PHKA2: variants seen among roughly 807,000 people sequenced by gnomAD.
PHKA2 encodes the protein phosphorylase b kinase regulatory subunit alpha, liver isoform.
In PHKA2, 31 loss-of-function variants were observed where a neutral mutation model predicts 102.0. That is an observed-to-expected ratio of 0.30 (90% CI 0.23 to 0.41). The LOEUF is 0.41. Ranked by LOEUF, PHKA2 falls within the 10% of genes least tolerant of loss-of-function variation. The pLI, the probability that PHKA2 is intolerant of heterozygous loss-of-function variation, is 1.00. For synonymous variants in PHKA2, 455 were observed against 416.2 expected (o/e 1.09, Z -1.13); for missense variants, 858 against 1,023.1 (o/e 0.84, Z 2.20).
chrX:18,911,174 T>G (rs1457992195), intron 19 of PHKA2, among the ~76,000 whole-genome samples: 3 of 101,274 alleles, frequency 3.0e-5, no homozygotes, highest in Admixed American at 2.1e-4. Flanking sequence ...CCCAGCTAAT[T>G]TTTTTTTTTT....
At position 18,948,803 on chromosome X, in the gene PHKA2, C is replaced by T. The variant is rs2048629118; in HGVS notation, c.478G>A (p.Asp160Asn). 6.7e-6 allele frequency: 8 copies of T among 1,190,715 alleles called. No individual in the cohort carries two copies. Among genetic ancestry groups the T allele is most frequent in the Admixed American group, 2.2e-5 (1 of 45,598 alleles). The change falls in exon 5 of 33, where the codon GAT (aspartate) becomes AAT (asparagine). Residue 160 changes from aspartate (D) to asparagine (N), a missense_variant. This residue lies in a region of PHKA2 where 187 missense variants were observed against 277.9 expected (regional missense o/e 0.67). Coordinates refer to ENST00000379942, the MANE Select transcript of PHKA2 (RefSeq NM_000292.3). ...AGATTCTGTATGAAGGCCACCTCAT[C>T]GAGAGTGAAAATGATACGTAAGCCT... ...ASGLRIIFTL[D>N]EVAFIQNLVF... is the part of the protein sequence containing the mutation.
At chrX:18,979,817 TTTAA>T (rs1434160666) in intron 1 of PHKA2, among the ~76,000 whole-genome samples, 1 of 110,634 alleles carries the variant, frequency 9.0e-6, no homozygotes, top group African/African-American at 3.3e-5. Flanking sequence ...TATTAAATAA[TTTAA>T]TTAATTTAAT....
intron 30 of PHKA2, 152 bp from the exon 31 acceptor site, chrX:18,895,343 G>A (rs749813886): frequency 1.9e-6 from 1 of 535,913 alleles, no homozygotes; most frequent in East Asian, 3.5e-5. Flanking sequence ...TATTTTTAGA[G>A]AGCTTGTTCT....
chrX:18,905,677 G>T, intron 26 of PHKA2, 81 bp downstream of exon 26: 1 of 655,019 alleles, frequency 1.5e-6, no homozygotes, highest in Non-Finnish European at 2.6e-6. Context: ...CATTCGCTAT[G>T]CCCCACAGTG....
chrX:18,942,562 T>C (rs1038960367), intron 7 of PHKA2, among the ~76,000 whole-genome samples: 3 of 111,078 alleles, frequency 2.7e-5, no homozygotes, highest in Non-Finnish European at 5.7e-5. Flanking sequence ...GCACACCACG[T>C]CCAGGCACAG....
chrX:18,898,870 G>T (rs1373996051), intron 29 of PHKA2, among the ~76,000 whole-genome samples: 2 of 112,037 alleles, frequency 1.8e-5, no homozygotes, highest in African/African-American at 6.5e-5. Context: ...AAGAGGCATG[G>T]AACTAATGCC....
In PHKA2 at chrX:18,924,110, G is replaced by A. The variant is rs371660303; in HGVS notation, c.1739C>T (p.Ser580Phe). 7 of 1,202,536 alleles carry A rather than the reference G, an allele frequency of 5.8e-6. No individual in the cohort carries two copies. Among genetic ancestry groups the A allele is most frequent in the African/African-American group, 1.7e-5 (1 of 57,193 alleles). ...TTTTCTAATTGTGGAGAGCACAGCA[G>A]AATGAATGTCTGAGCCATCATTTGC... ...MLTNDGSDIH[S>F]AVLSTIRKLE... Residue 580 changes from serine (S) to phenylalanine (F), a missense_variant, in exon 17 of 33, where the codon TCT becomes TTT. Ser to Phe is a radical substitution (Grantham distance 155, BLOSUM62 -2). This residue lies in a region of PHKA2 where 671 missense variants were observed against 745.2 expected (regional missense o/e 0.90). Coordinates refer to ENST00000379942, the MANE Select transcript of PHKA2 (RefSeq NM_000292.3).
In PHKA2 at chrX:18,893,381, A is replaced by G. The variant is rs1459191850; in HGVS notation, c.*104T>C. Reference sequence around the variant, plus strand: ...CCCCCGAGAGTGTTTCTGATGGGACATGCTTTCCTGATAGCACAGGGGATC... The same window carrying G: ...CCCCCGAGAGTGTTTCTGATGGGACGTGCTTTCCTGATAGCACAGGGGATC... On this transcript the variant is annotated 3_prime_UTR_variant, in exon 33 of 33. Coordinates refer to ENST00000379942, the MANE Select transcript of PHKA2 (RefSeq NM_000292.3). The G allele has an allele frequency of 1.2e-6, 1 of 824,756 alleles. No homozygotes were observed. Among genetic ancestry groups the G allele is most frequent in the Non-Finnish European group, 1.8e-6 (1 of 548,550 alleles). 68.0% of individuals were successfully genotyped at this position (824,756 alleles called of 1,213,427 possible). A position where few individuals can be genotyped will look rare whatever the true frequency, so the allele number is the denominator to read the frequency against.
Position 18,899,224 on chromosome X carries a change from G to T in PHKA2, c.3060C>A (p.Phe1020Leu), listed in dbSNP as rs931442658. ...MTRRFSADEQ[F>L]FSVGQAASSS... is the part of the protein sequence containing the mutation. ...TGGACGCGGCCTGGCCCACAGAAAAGAACTACAAAACAAAAAGAATCCACT... is the reference window on the plus strand; with the variant it reads ...TGGACGCGGCCTGGCCCACAGAAAATAACTACAAAACAAAAAGAATCCACT... The change falls in exon 29 of 33, where the codon TTC becomes TTA. Residue 1020 changes from phenylalanine to leucine, a missense_variant and splice_region_variant. Coordinates refer to ENST00000379942, the MANE Select transcript of PHKA2 (RefSeq NM_000292.3). 3 of 1,205,223 alleles carry T rather than the reference G, an allele frequency of 2.5e-6. No individual in the cohort carries two copies. Among genetic ancestry groups the T allele is most frequent in the African/African-American group, 3.5e-5 (2 of 57,177 alleles).
chrX:18,980,264 G>A (rs1204360523), intron 1 of PHKA2, among the ~76,000 whole-genome samples: 2 of 112,674 alleles, frequency 1.8e-5, no homozygotes, highest in Admixed American at 1.9e-4. Context: ...CTCATGGGAC[G>A]GGAAAGACCT....
intron 2 of PHKA2, 28 bp from the exon 3 acceptor site, chrX:18,952,569 A>G: frequency 8.3e-7 from 1 of 1,200,172 alleles, no homozygotes; most frequent in Middle Eastern, 2.3e-4. Flanking sequence ...AATCAGCAAC[A>G]CGGCCCAGGG....
At chrX:18,930,995 G>A (rs150289968) in intron 12 of PHKA2, among the ~76,000 whole-genome samples, 4,749 of 111,604 alleles carry the variant, frequency 0.043, 108 homozygotes, top group Non-Finnish European at 0.064. Flanking sequence ...TCTCAGGAAC[G>A]ACAGCCCATC....
intron 31 of PHKA2, chrX:18,894,875 G>A (rs1488548284): frequency 2.4e-6 from 1 of 423,320 alleles, no homozygotes; most frequent in East Asian, 3.9e-5. Context: ...CTTTCACCAG[G>A]GTTCTAAGGG....
At chrX:18,969,435 A>G (rs758201004) in intron 1 of PHKA2, among the ~76,000 whole-genome samples, 1 of 112,370 alleles carries the variant, frequency 8.9e-6, no homozygotes, top group South Asian at 3.7e-4. Flanking sequence ...ACGTCAACAC[A>G]CAGAATATTT....
At position 18,952,478 on chromosome X, in the gene PHKA2, T is replaced by C. The variant is rs377383607; in HGVS notation, c.285+16A>G. The C allele has an allele frequency of 1.8e-5, 21 of 1,198,687 alleles. No individual in the cohort carries two copies. In the African/African-American group the frequency reaches 3.5e-4, roughly 20 times the overall value. ...GGAATGCCCACTTGGCAAACACGTG[T>C]GTGGGTTCTGCCTACCTGTCTCATC... On this transcript the variant is annotated intron_variant, in intron 3 of 32. Transcript: ENST00000379942.
At position 18,954,381 on chromosome X, in the gene PHKA2, T is replaced by A. The variant is rs756977983; in HGVS notation, c.110A>T (p.His37Leu). The change falls in exon 2 of 33, where the codon CAT becomes CTT. Residue 37 changes from histidine to leucine, a missense_variant. Coordinates refer to ENST00000379942, the MANE Select transcript of PHKA2 (RefSeq NM_000292.3). ...NPVTGLLSAS[H>L]EQKDAWVRDN... ...CCGCACCCAGGCATCCTTCTGCTCA[T>A]GGCTGGCTGACAGCAGCCCCGTGAC... 4.1e-6 allele frequency: 5 copies of A among 1,211,915 alleles called. No individual in the cohort carries two copies. In the South Asian group the frequency reaches 8.8e-5, roughly 21 times the overall value.
At chrX:18,952,875 AT>A (rs890586057) in intron 2 of PHKA2, among the ~76,000 whole-genome samples, 2 of 111,835 alleles carry the variant, frequency 1.8e-5, no homozygotes, top group African/African-American at 3.3e-5. Context: ...TTGGTAATTT[AT>A]TTTTCTTACA....
chrX:18,908,893 A>G lies in PHKA2; in HGVS notation c.2268T>C (p.Gly756=). ...SDFQWPRDDH[G]DVDCEKLVEQ... Reference sequence around the variant, plus strand: ...CAACCAGCTTCTCACAGTCCACGTCACCATGGTCATCTCTGGGCCACTGAA... The same window carrying G: ...CAACCAGCTTCTCACAGTCCACGTCGCCATGGTCATCTCTGGGCCACTGAA... The change falls in exon 21 of 33, where the codon GGT becomes GGC. Residue 756 remains glycine, a synonymous_variant. Transcript: ENST00000379942. The G allele has an allele frequency of 8.3e-7, 1 of 1,209,386 alleles. No homozygotes were observed. Among genetic ancestry groups the G allele is most frequent in the Non-Finnish European group, 1.1e-6 (1 of 893,415 alleles).
At chrX:18,950,266 A>T (rs1308367380) in intron 4 of PHKA2, among the ~76,000 whole-genome samples, 1 of 111,876 alleles carries the variant, frequency 8.9e-6, no homozygotes, top group African/African-American at 3.2e-5. Flanking sequence ...TATAATTTGG[A>T]AAAGTGAGGG....
Sources: gnomAD v4.1 joint callset for allele counts (sites outside exome capture counted in the v4.1 genomes callset) on GRCh38, gnomAD v4.1.1 for gene constraint, gnomAD v4.1.1 regional missense constraint, MANE v1.5 for transcripts, NCBI Gene and HGNC (gene_info 2026-07-23, HGNC 2026-07-21) for gene names.